STAB1: variants seen among roughly 807,000 people sequenced by gnomAD.
STAB1 encodes stabilin 1, also known as stabilin-1.
Under a neutral mutation model 332.4 loss-of-function variants are expected in STAB1, and 250 were observed. That is an observed-to-expected ratio of 0.75 (90% CI 0.68 to 0.84). The LOEUF (loss-of-function observed/expected upper bound fraction) is 0.84, where lower values mean the gene tolerates loss of function less well. Among genes scored for constraint, STAB1 ranks in the 40% least tolerant of loss-of-function variants. STAB1 has a pLI of 0.00. For synonymous variants in STAB1, 1,475 were observed against 1,390.4 expected, an observed-to-expected ratio of 1.06 and a Z score of -1.35; for missense variants, 3,249 against 3,489.7, an observed-to-expected ratio of 0.93 and a Z score of 1.74.
Position 52,516,061 on chromosome 3 carries a change from G to A in STAB1, c.3967G>A (p.Gly1323Ser), listed in dbSNP as rs1248480490. 6.2e-7 allele frequency: 1 copy of A among 1,610,268 alleles called. No homozygotes were observed. The highest frequency in any genetic ancestry group is 1.7e-5 in the Admixed American group (1 of 59,776). Reference sequence around the variant, plus strand: ...CCGACAGGTGCCGGACTGCTGCCCTGGTTTCTTTGGCACGCTGTGTGAGCC... The same window carrying A: ...CCGACAGGTGCCGGACTGCTGCCCTAGTTTCTTTGGCACGCTGTGTGAGCC... ...KKIQVPDCCPGFFGTLCEPCP... is the reference protein window; with the variant it reads ...KKIQVPDCCPSFFGTLCEPCP... The change falls in exon 38 of 69, where the codon GGT becomes AGT. Residue 1323 changes from glycine to serine, a missense_variant. Gly to Ser is a moderately conservative substitution (Grantham distance 56). Transcript: ENST00000321725.
intron 1 of STAB1, among the ~76,000 whole-genome samples, chr3:52,498,187 C>T (rs991645662): frequency 3.9e-5 from 6 of 152,240 alleles, no homozygotes. Context: ...CCAAAGACTT[C>T]ACACTTCGTG....
chr3:52,508,868 A>AT (rs1450098184), intron 21 of STAB1, among the ~76,000 whole-genome samples: 1 of 151,782 alleles, frequency 6.6e-6, no homozygotes, highest in East Asian at 1.9e-4. Flanking sequence ...AGATAGATAG[A>AT]TTTTTTGGCA....
At chr3:52,496,633 G>C (rs1708046216) in intron 1 of STAB1, among the ~76,000 whole-genome samples, 1 of 152,198 alleles carries the variant, frequency 6.6e-6, no homozygotes, top group Non-Finnish European at 1.5e-5. Context: ...GGGCTGTGCT[G>C]AGAGCCCTGC....
rs778107472 is a variant in STAB1, at chr3:52,522,241, G to A, written c.6465+11G>A. 30 of 1,612,020 alleles carry A rather than the reference G, an allele frequency of 1.9e-5. No homozygotes were observed. Among genetic ancestry groups the A allele is most frequent in the Non-Finnish European group, 2.5e-5 (29 of 1,179,544 alleles). On this transcript the variant is annotated intron_variant, in intron 59 of 68. Coordinates refer to ENST00000321725, the MANE Select transcript of STAB1 (RefSeq NM_015136.3). Reference sequence around the variant, plus strand: ...TTGAGCACCGGCCTGGTGAGCAGGTGGGGGAACCGAGTAGCCAGGGTGGGG... The same window carrying A: ...TTGAGCACCGGCCTGGTGAGCAGGTAGGGGAACCGAGTAGCCAGGGTGGGG...
chr3:52,504,254 C>T (rs1708677214), intron 10 of STAB1, 99 bp downstream of exon 10: 1 of 1,508,628 alleles, frequency 6.6e-7, no homozygotes, highest in Admixed American at 2.0e-5. Context: ...TTTCTCTGCC[C>T]AGGGCTGTGG....
rs1709354418 is a variant in STAB1, at chr3:52,512,329, C to T, written c.2884-12C>T. On this transcript the variant is annotated splice_polypyrimidine_tract_variant and intron_variant, in intron 26 of 68. Coordinates refer to ENST00000321725, the MANE Select transcript of STAB1 (RefSeq NM_015136.3). The stretch of plus-strand genomic sequence containing the variant: ...GGTTCTGAATGGAGGCCCTTTCTCA[C>T]TCCCACCCCAGGCCACCTGCCGGGC... 1 of 1,612,296 alleles carries T rather than the reference C, an allele frequency of 6.2e-7. No individual in the cohort carries two copies. Among genetic ancestry groups the T allele is most frequent in the African/African-American group, 1.3e-5 (1 of 74,890 alleles).
At chr3:52,521,065 C>A in intron 55 of STAB1, 60 bp downstream of exon 55, 1 of 1,467,836 alleles carries the variant, frequency 6.8e-7, no homozygotes, top group Non-Finnish European at 9.0e-7. Flanking sequence ...CAAGGCACAG[C>A]TCTGGCCATT....
chr3:52,501,843 C>T, intron 3 of STAB1, 90 bp downstream of exon 3: 1 of 1,396,650 alleles, frequency 7.2e-7, no homozygotes, highest in African/African-American at 1.4e-5. Flanking sequence ...CATTCCCCTT[C>T]AACTTGTTTG....
At chr3:52,519,143 C>G (rs1263018013) in intron 48 of STAB1, 121 bp from the exon 49 acceptor site, 3 of 1,376,794 alleles carry the variant, frequency 2.2e-6, no homozygotes, top group African/African-American at 2.9e-5. Context: ...GTCCTGGTCC[C>G]GAAGAACCGG....
chr3:52,516,317 G>A (rs2078863137), intron 38 of STAB1, 39 bp from the exon 39 acceptor site: 1 of 1,605,874 alleles, frequency 6.2e-7, no homozygotes, highest in Non-Finnish European at 8.5e-7. Flanking sequence ...ACAGGATGGA[G>A]GCACTGGGCA....
At position 52,517,038 on chromosome 3, in the gene STAB1, C is replaced by A; in HGVS notation, c.4418C>A (p.Thr1473Asn). ...GGCTGCTCCCCTCATGCCAACTGTACCAAGGTGGCACCTGGGCAGCGGACA... is the reference window on the plus strand; with the variant it reads ...GGCTGCTCCCCTCATGCCAACTGTAACAAGGTGGCACCTGGGCAGCGGACA... ...HGGCSPHANC[T>N]KVAPGQRTCT... The change falls in exon 42 of 69, where the codon ACC becomes AAC. Residue 1473 changes from threonine to asparagine, a missense_variant. Coordinates refer to ENST00000321725, the MANE Select transcript of STAB1 (RefSeq NM_015136.3). The A allele has an allele frequency of 6.2e-7, 1 of 1,606,344 alleles. No individual in the cohort carries two copies. Among genetic ancestry groups the A allele is most frequent in the African/African-American group, 1.3e-5 (1 of 74,796 alleles).
chr3:52,521,036 C>T, intron 55 of STAB1, 31 bp downstream of exon 55: 2 of 1,504,764 alleles, frequency 1.3e-6, no homozygotes, highest in Non-Finnish European at 1.8e-6. Context: ...TGACTAGCTC[C>T]TCTGTTCCCC....
In STAB1 at chr3:52,503,739, G is replaced by C. The variant is rs747584653; in HGVS notation, c.892-33G>C. 7 of 1,611,758 alleles carry C rather than the reference G, an allele frequency of 4.3e-6. No individual in the cohort carries two copies. The African/African-American group carries it at 8.0e-5, about 18-fold the overall frequency. The stretch of plus-strand genomic sequence containing the variant: ...ACACCAGTGGTTCTTGGGGTTGGAC[G>C]TGGTGTTCCCCTCCTGCCCTGTCGG... On this transcript the variant is annotated intron_variant, in intron 8 of 68. Coordinates refer to ENST00000321725, the MANE Select transcript of STAB1 (RefSeq NM_015136.3).
At chr3:52,496,961 A>G (rs528884884) in intron 1 of STAB1, among the ~76,000 whole-genome samples, 1 of 152,316 alleles carries the variant, frequency 6.6e-6, no homozygotes, top group East Asian at 1.9e-4. Flanking sequence ...CCCTGGATTG[A>G]AAATATTCAG....
chr3:52,522,865 C>A lies in STAB1; in HGVS notation c.6835C>A (p.Arg2279=). 1.2e-6 allele frequency: 2 copies of A among 1,613,276 alleles called. No homozygotes were observed. The highest frequency in any genetic ancestry group is 1.7e-6 in the Non-Finnish European group (2 of 1,180,010). ...VFPVADCGNG[R]VGIVSLGARK... Reference sequence around the variant, plus strand: ...CCCTGTGGCGGACTGTGGCAATGGTCGGGTGGGCATAGTCAGCCTGGGTGC... The same window carrying A: ...CCCTGTGGCGGACTGTGGCAATGGTAGGGTGGGCATAGTCAGCCTGGGTGC... Residue 2279 remains arginine (R), a synonymous_variant, in exon 62 of 69, where the codon CGG becomes AGG. Transcript: ENST00000321725.
At chr3:52,520,359 G>GC in intron 52 of STAB1, 41 bp from the exon 53 acceptor site, 2 of 1,612,756 alleles carry the variant, frequency 1.2e-6, no homozygotes, top group Admixed American at 1.7e-5. Flanking sequence ...CAGCTGGAGT[G>GC]CACCTGCGAC....
rs1038939908 is a variant in STAB1 at position 52,513,963 on chromosome 3, C to T, written c.3429C>T (p.Leu1143=). The part of the protein sequence containing the change: ...QQLDLVPAFS[L]FRELLQHHGL... Reference sequence around the variant, plus strand: ...TGGACTTGGTGCCTGCCTTCAGCCTCTTCCGGGAATTGCTGCAGGTACGGA... The same window carrying T: ...TGGACTTGGTGCCTGCCTTCAGCCTTTTCCGGGAATTGCTGCAGGTACGGA... Residue 1143 remains leucine (L), a synonymous_variant, in exon 32 of 69, where the codon CTC becomes CTT. Coordinates refer to ENST00000321725, the MANE Select transcript of STAB1 (RefSeq NM_015136.3). 2.5e-6 allele frequency: 4 copies of T among 1,603,906 alleles called. No individual in the cohort carries two copies. Among genetic ancestry groups the T allele is most frequent in the Middle Eastern group, 3.3e-4 (2 of 6,044 alleles).
rs1269474753 is a variant in STAB1, at chr3:52,523,531, C to T, written c.7245C>T (p.Leu2415=). 1 of 1,612,950 alleles carries T rather than the reference C, an allele frequency of 6.2e-7. No individual in the cohort carries two copies. ...TTCCGGCCCACTCAGGCCTCAGCCT[C>T]ATCATCAGTGACGCAGGCCCTGACA... The part of the protein sequence containing the change: ...KLLPAHSGLS[L]IISDAGPDNS... The change falls in exon 65 of 69, where the codon CTC becomes CTT. Residue 2415 remains leucine, a synonymous_variant. Transcript: ENST00000321725.
chr3:52,523,025 A>G lies in STAB1; in HGVS notation c.6911A>G (p.Asp2304Gly). ...RWDAYCFRVQ[D>G]VACRCRNGFV... ...AGCCACTGACCTGCTTTTCCTGCAG[A>G]TGTGGCCTGCCGATGCCGAAATGGC... Residue 2304 changes from aspartate (D) to glycine (G), a missense_variant and splice_region_variant, in exon 63 of 69, where the codon GAT becomes GGT. Physicochemically the swap from Asp to Gly is moderately conservative, Grantham distance 94. Transcript: ENST00000321725. 6.3e-7 allele frequency: 1 copy of G among 1,577,528 alleles called. No homozygotes were observed. The highest frequency in any genetic ancestry group is 8.6e-7 in the Non-Finnish European group (1 of 1,158,252).
Sources: allele counts gnomAD v4.1 joint callset (sites outside exome capture counted in the v4.1 genomes callset), GRCh38; gene constraint gnomAD v4.1.1; transcripts MANE v1.5; gene names NCBI Gene and HGNC (gene_info 2026-07-23, HGNC 2026-07-21).